Variants in MAGI2 observed in about 807,000 individuals in gnomAD.
MAGI2 encodes the protein membrane-associated guanylate kinase, WW and PDZ domain-containing protein 2.
A neutral mutation model predicts 133.3 loss-of-function variants in MAGI2; 35 were observed. The ratio of observed to expected loss-of-function variants is 0.26; its 90% CI spans 0.20 to 0.35. The LOEUF is 0.35. MAGI2 is among the 10% of genes least tolerant of loss of function. The probability of loss-of-function intolerance (pLI) is 1.00; values close to 1 mark genes in which losing one functional copy is unlikely to be tolerated. For missense variants in MAGI2, 1,636 were observed against 1,863.4 expected (o/e 0.88, Z 2.25); for synonymous variants, 729 against 710.6 (o/e 1.03, Z -0.41).
intron 2 of MAGI2, among the ~76,000 whole-genome samples, chr7:78,906,875 T>C (rs1798031100): frequency 6.6e-6 from 1 of 152,128 alleles, no homozygotes; most frequent in Non-Finnish European, 1.5e-5. Flanking sequence ...TATATGTATA[T>C]TTAAAAGTAA....
chr7:78,277,890 G>C (rs1055499761), intron 9 of MAGI2, among the ~76,000 whole-genome samples: 2 of 152,058 alleles, frequency 1.3e-5, no homozygotes, highest in African/African-American at 4.8e-5. Flanking sequence ...AAAATGCATA[G>C]AAAAGTAATC....
intron 9 of MAGI2, among the ~76,000 whole-genome samples, chr7:78,315,395 A>G (rs1310331162): frequency 6.6e-6 from 1 of 152,164 alleles, no homozygotes; most frequent in Non-Finnish European, 1.5e-5. Flanking sequence ...TGGAGTTCAT[A>G]CATCCTGTAA....
chr7:78,272,232 T>C (rs1306200289), intron 9 of MAGI2, among the ~76,000 whole-genome samples: 1 of 152,224 alleles, frequency 6.6e-6, no homozygotes, highest in Non-Finnish European at 1.5e-5. Flanking sequence ...GGCTGTTCAT[T>C]TTCCATGTAG....
intron 9 of MAGI2, among the ~76,000 whole-genome samples, chr7:78,284,897 C>T (rs1159998705): frequency 6.6e-6 from 1 of 151,962 alleles, no homozygotes; most frequent in Non-Finnish European, 1.5e-5. Context: ...GAATTTCATT[C>T]CAGAAATAAG....
chr7:78,990,901 T>TACACAC (rs768501719), intron 2 of MAGI2, among the ~76,000 whole-genome samples: 7 of 77,748 alleles, frequency 9.0e-5, no homozygotes, highest in South Asian at 4.6e-4. Flanking sequence ...ATTTTATATG[T>TACACAC]ACATACACAC....
chr7:79,111,193 T>C (rs1275642185), intron 1 of MAGI2, among the ~76,000 whole-genome samples: 7 of 152,256 alleles, frequency 4.6e-5, no homozygotes, highest in Non-Finnish European at 1.0e-4. Context: ...TTTAAAAATA[T>C]GGTCTTATTA....
chr7:78,028,971 A>G (rs1809269907), intron 21 of MAGI2, among the ~76,000 whole-genome samples: 1 of 152,152 alleles, frequency 6.6e-6, no homozygotes, highest in Non-Finnish European at 1.5e-5. Context: ...GAGAATCAGG[A>G]TAACTGACTG....
intron 2 of MAGI2, among the ~76,000 whole-genome samples, chr7:78,751,684 G>T (rs1030371671): frequency 2.0e-5 from 3 of 152,164 alleles, no homozygotes; most frequent in Admixed American, 6.5e-5. Flanking sequence ...ATTCACAACA[G>T]AACAATTTCC....
chr7:78,079,972 C>T (rs572778017), intron 20 of MAGI2, among the ~76,000 whole-genome samples: 1 of 152,326 alleles, frequency 6.6e-6, no homozygotes, highest in East Asian at 1.9e-4. Flanking sequence ...CCAGCAAAAG[C>T]ACAACGAGTT....
At chr7:79,002,682 A>AG (rs1363472778) in intron 2 of MAGI2, among the ~76,000 whole-genome samples, 2 of 151,486 alleles carry the variant, frequency 1.3e-5, no homozygotes, top group Non-Finnish European at 1.5e-5. Flanking sequence ...GGCTTCAATG[A>AG]GAAAAAAAAA....
chr7:78,969,934 C>T (rs916597395), intron 2 of MAGI2, among the ~76,000 whole-genome samples: 3 of 151,888 alleles, frequency 2.0e-5, no homozygotes, highest in African/African-American at 7.3e-5. Flanking sequence ...ACTTTAAAAA[C>T]GAGGAGACTG....
intron 1 of MAGI2, among the ~76,000 whole-genome samples, chr7:79,022,889 A>T (rs113360217): frequency 3.3e-4 from 50 of 152,276 alleles, no homozygotes; most frequent in African/African-American, 1.2e-3. Flanking sequence ...AAGCTCAGGA[A>T]CAGACAGGTT....
chr7:79,402,530 A>G (rs749824592), intron 1 of MAGI2, among the ~76,000 whole-genome samples: 31 of 152,196 alleles, frequency 2.0e-4, no homozygotes, highest in Non-Finnish European at 3.8e-4. Context: ...GGGTAAGGTA[A>G]TTTATTCAAT....
At chr7:79,007,822 T>C (rs910187228) in intron 1 of MAGI2, among the ~76,000 whole-genome samples, 1 of 152,008 alleles carries the variant, frequency 6.6e-6, no homozygotes, top group African/African-American at 2.4e-5. Context: ...ATGCAATAAA[T>C]AAAAGGAATT....
At chr7:78,489,952 A>G (rs192326171) in intron 5 of MAGI2, 112 bp from the exon 6 acceptor site, 1 of 738,984 alleles carries the variant, frequency 1.4e-6, no homozygotes, top group East Asian at 2.5e-5. Flanking sequence ...GATACACTTA[A>G]TTTGCTTACT....
intron 9 of MAGI2, among the ~76,000 whole-genome samples, chr7:78,305,815 A>G (rs1239270234): frequency 3.3e-5 from 5 of 152,228 alleles, no homozygotes; most frequent in African/African-American, 1.2e-4. Context: ...AACTAAGACA[A>G]TTATGAGCTT....
intron 1 of MAGI2, among the ~76,000 whole-genome samples, chr7:79,121,425 T>TA (rs901693646): frequency 4.7e-5 from 7 of 149,344 alleles, no homozygotes; most frequent in East Asian, 2.0e-4. Flanking sequence ...TTCTTTTTTC[T>TA]AAAAAAAAAA....
chr7:78,756,796 A>G (rs1227870833), intron 2 of MAGI2, among the ~76,000 whole-genome samples: 1 of 152,084 alleles, frequency 6.6e-6, no homozygotes, highest in Non-Finnish European at 1.5e-5. Context: ...TCTCCCATTT[A>G]TCAGTGCAGT....
At chr7:78,733,601 T>C (rs10248125) in intron 2 of MAGI2, among the ~76,000 whole-genome samples, 97,617 of 152,016 alleles carry the variant, frequency 0.64, 31,842 homozygotes, top group African/African-American at 0.73. Flanking sequence ...TTAAGAAAAA[T>C]GCAGAGAAGT....
Sources: allele counts gnomAD v4.1 joint callset (sites outside exome capture counted in the v4.1 genomes callset), GRCh38; gene constraint gnomAD v4.1.1; transcripts MANE v1.5; gene names NCBI Gene and HGNC (gene_info 2026-07-23, HGNC 2026-07-21).